H6PD: variants seen among roughly 807,000 people sequenced by gnomAD.
H6PD encodes the protein GDH/6PGL endoplasmic bifunctional protein.
H6PD carries 48 observed loss-of-function variants against 61.2 expected under a neutral mutation model. The observed-to-expected ratio is 0.78, with a 90% CI of 0.62 to 1.00. H6PD has a LOEUF of 1.00. Ranked by LOEUF, H6PD falls within the 50% of genes least tolerant of loss-of-function variation. The pLI is 0.00. For synonymous variants in H6PD, 480 were observed against 457.9 expected, an observed-to-expected ratio of 1.05 and a Z score of -0.62; for missense variants, 1,093 against 1,065.0, an observed-to-expected ratio of 1.03 and a Z score of -0.37.
Position 9,247,030 on chromosome 1 carries a change from G to A in H6PD, c.692G>A (p.Arg231Gln), listed in dbSNP as rs35610691. The change falls in exon 3 of 5, where the codon CGG (arginine) becomes CAG (glutamine). Residue 231 changes from arginine (R) to glutamine (Q), a missense_variant. Physicochemically the swap from Arg to Gln is conservative, Grantham distance 43 (BLOSUM62 1). Coordinates refer to ENST00000377403, the MANE Select transcript of H6PD (RefSeq NM_004285.4). ...NRKALDGLWN[R>Q]HHVERVEIIM... ...AAGGCTTTGGACGGCCTCTGGAACCGGCACCATGTGGAGCGGGTGGAGATC... is the reference window on the plus strand; with the variant it reads ...AAGGCTTTGGACGGCCTCTGGAACCAGCACCATGTGGAGCGGGTGGAGATC... 2.0e-4 allele frequency: 320 copies of A among 1,613,884 alleles called. 3 individuals carry two copies. In the African/African-American group the frequency reaches 3.3e-3, roughly 16 times the overall value.
chr1:9,265,116 G>T lies in H6PD; in HGVS notation c.*247G>T, dbSNP rs963447785. 3 of 590,272 alleles carry T rather than the reference G, an allele frequency of 5.1e-6. No individual in the cohort carries two copies. The highest frequency in any genetic ancestry group is 4.5e-4 in the Middle Eastern group (1 of 2,236). 36.6% of individuals were successfully genotyped at this position (590,272 alleles called of 1,614,324 possible). On this transcript the variant is annotated 3_prime_UTR_variant, in exon 5 of 5. Coordinates refer to ENST00000377403, the MANE Select transcript of H6PD (RefSeq NM_004285.4). ...TGCTCCTGAGAAGCTTCAAATTCAG[G>T]CCAGGAGAGAAGTCTTAAGAAAAGA...
At chr1:9,237,062 A>T (rs1014537318) in intron 1 of H6PD, among the ~76,000 whole-genome samples, 1 of 152,050 alleles carries the variant, frequency 6.6e-6, no homozygotes, top group Non-Finnish European at 1.5e-5. Context: ...TGTCTGGTTT[A>T]AACCACTGTT....
chr1:9,260,988 C>T (rs1470921146), intron 3 of H6PD, among the ~76,000 whole-genome samples: 1 of 152,098 alleles, frequency 6.6e-6, no homozygotes, highest in African/African-American at 2.4e-5. Context: ...CTCACACCCA[C>T]CCCATCTGTC....
At chr1:9,261,999 G>A in intron 3 of H6PD, 60 bp from the exon 4 acceptor site, 1 of 1,561,412 alleles carries the variant, frequency 6.4e-7, no homozygotes, top group Non-Finnish European at 8.8e-7. Flanking sequence ...GCACCTCGGG[G>A]AGATCTGATG....
chr1:9,251,786 A>G (rs1641372372), intron 3 of H6PD, among the ~76,000 whole-genome samples: 1 of 152,160 alleles, frequency 6.6e-6, no homozygotes, highest in African/African-American at 2.4e-5. Flanking sequence ...AGCACCAGCA[A>G]GCACACTGTG....
At position 9,246,945 on chromosome 1, in the gene H6PD, CCA is replaced by C. The variant is rs746489403; in HGVS notation, c.628-20_628-19del. Reference sequence around the variant, plus strand: ...ATCGTGAGAGTATCCTGCAGCACGCCCAGTCTTCCCCCCCCGACAGGCTGTGG... The same window carrying C: ...ATCGTGAGAGTATCCTGCAGCACGCCGTCTTCCCCCCCCGACAGGCTGTGG... On this transcript the variant is annotated intron_variant, in intron 2 of 4. Transcript: ENST00000377403. The C allele has an allele frequency of 1.3e-6, 2 of 1,541,624 alleles. No individual in the cohort carries two copies. The highest frequency in any genetic ancestry group is 2.2e-5 in the South Asian group (2 of 89,976).
At chr1:9,246,871 A>G (rs528422183) in intron 2 of H6PD, 95 bp from the exon 3 acceptor site, 4 of 845,188 alleles carry the variant, frequency 4.7e-6, no homozygotes, top group African/African-American at 1.7e-5. Context: ...TGCTCTGAGC[A>G]GGGAATAGAA....
chr1:9,242,105 G>C (rs1261030417), intron 1 of H6PD, among the ~76,000 whole-genome samples: 1 of 152,204 alleles, frequency 6.6e-6, no homozygotes, highest in Admixed American at 6.5e-5. Context: ...TCTCTGTCTT[G>C]AGAAAGGGAG....
chr1:9,241,374 T>A (rs1211706163), intron 1 of H6PD, among the ~76,000 whole-genome samples: 1 of 150,606 alleles, frequency 6.6e-6, no homozygotes, highest in Non-Finnish European at 1.5e-5. Context: ...GGCATCTCCC[T>A]GATTTAATTA....
At position 9,244,920 on chromosome 1, in the gene H6PD, C is replaced by T; in HGVS notation, c.-10-5C>T. ...GTTCCTCGTCTGTCTCTCTTTGCAC[C>T]CCAGGCACCCAGGCATGTGGAATAT... On this transcript the variant is annotated splice_polypyrimidine_tract_variant and splice_region_variant and intron_variant, in intron 1 of 4. Transcript: ENST00000377403. 3.4e-6 allele frequency: 4 copies of T among 1,182,498 alleles called. No individual in the cohort carries two copies. Among genetic ancestry groups the T allele is most frequent in the Non-Finnish European group, 4.6e-6 (4 of 861,912 alleles). 73.3% of individuals were successfully genotyped at this position (1,182,498 alleles called of 1,614,324 possible). A position where few individuals can be genotyped will look rare whatever the true frequency, so the allele number is the denominator to read the frequency against.
intron 3 of H6PD, among the ~76,000 whole-genome samples, chr1:9,255,438 T>C (rs1463673899): frequency 1.3e-5 from 2 of 152,058 alleles, no homozygotes; most frequent in East Asian, 1.9e-4. Context: ...TATTTCACCA[T>C]GCCCAGCTAA....
chr1:9,249,657 T>C (rs969256070), intron 3 of H6PD, among the ~76,000 whole-genome samples: 1 of 152,180 alleles, frequency 6.6e-6, no homozygotes, highest in Non-Finnish European at 1.5e-5. Flanking sequence ...GGACAGGCAG[T>C]GGGAGATCCA....
Position 9,234,790 on chromosome 1 carries a change from A to T in H6PD, c.-287A>T, listed in dbSNP as rs1025702126. On this transcript the variant is annotated 5_prime_UTR_variant, in exon 1 of 5. The change creates a new upstream start codon in the 5' untranslated region. Transcript: ENST00000377403. The stretch of plus-strand genomic sequence containing the variant: ...CCGGGCCCCAGTCTTGCTGAGCGCA[A>T]GGCGGTGGAGGCCTGAGGCCTGAGG... 3.4e-5 allele frequency: 5 copies of T among 145,816 alleles called. No individual in the cohort carries two copies. The highest frequency in any genetic ancestry group is 6.1e-5 in the Non-Finnish European group (4 of 65,824). 9.0% of individuals were successfully genotyped at this position (145,816 alleles called of 1,614,324 possible).
At chr1:9,257,816 A>G (rs1324250741) in intron 3 of H6PD, among the ~76,000 whole-genome samples, 1 of 152,186 alleles carries the variant, frequency 6.6e-6, no homozygotes, top group East Asian at 1.9e-4. Context: ...TTGAGAAATG[A>G]TGGCTCCTCG....
At chr1:9,239,937 T>G in intron 1 of H6PD, 134 of 1,188,210 alleles carry the variant, frequency 1.1e-4, no homozygotes, top group Non-Finnish European at 1.3e-4. Context: ...TCCGCTTGTG[T>G]GAGAACAAAG....
At position 9,264,727 on chromosome 1, in the gene H6PD, T is replaced by C; in HGVS notation, c.2234T>C (p.Leu745Pro). 6.2e-7 allele frequency: 1 copy of C among 1,613,288 alleles called. No homozygotes were observed. ...LINRAKKVAV[L>P]VMGRMKREIT... is the part of the protein sequence containing the mutation. ...AACCGCGCCAAGAAGGTGGCAGTCCTGGTCATGGGCAGGATGAAGCGTGAG... is the reference window on the plus strand; with the variant it reads ...AACCGCGCCAAGAAGGTGGCAGTCCCGGTCATGGGCAGGATGAAGCGTGAG... Residue 745 changes from leucine to proline, a missense_variant, in exon 5 of 5, where the codon CTG (leucine) becomes CCG (proline). Physicochemically the swap from Leu to Pro is moderately conservative, Grantham distance 98. Transcript: ENST00000377403.
chr1:9,257,435 C>T (rs187233805), intron 3 of H6PD, among the ~76,000 whole-genome samples: 41 of 152,254 alleles, frequency 2.7e-4, no homozygotes, highest in Admixed American at 1.4e-3. Flanking sequence ...GTCCGCCTGG[C>T]CTATATCCTA....
In H6PD at chr1:9,266,853, C is replaced by T. The variant is rs900383807; in HGVS notation, c.*1984C>T. ...CTTTTTTTTTTTTTTGAGACAGAGT[C>T]TCTGTCGCCCAGGCTGGAGCCCAGT... On this transcript the variant is annotated 3_prime_UTR_variant, in exon 5 of 5. Coordinates refer to ENST00000377403, the MANE Select transcript of H6PD (RefSeq NM_004285.4). 1 of 151,386 alleles carries T rather than the reference C, an allele frequency of 6.6e-6. No individual in the cohort carries two copies. The highest frequency in any genetic ancestry group is 1.5e-5 in the Non-Finnish European group (1 of 67,982). The allele number at this position is 151,386 out of a possible 1,614,324, so 9.4% of individuals were successfully genotyped here. A position where few individuals can be genotyped will look rare whatever the true frequency, so the allele number is the denominator to read the frequency against.
At chr1:9,246,897 C>T in intron 2 of H6PD, 69 bp from the exon 3 acceptor site, 1 of 1,080,792 alleles carries the variant, frequency 9.3e-7, no homozygotes, top group South Asian at 1.2e-5. Context: ...AGAGCCCTTC[C>T]CGGGAGTCAG....
Sources: allele counts gnomAD v4.1 joint callset (sites outside exome capture counted in the v4.1 genomes callset), GRCh38; gene constraint gnomAD v4.1.1; transcripts MANE v1.5; gene names NCBI Gene and HGNC (gene_info 2026-07-23, HGNC 2026-07-21).